PRKACB: variants seen among roughly 807,000 people sequenced by gnomAD.
The protein encoded by PRKACB is cAMP-dependent protein kinase catalytic subunit beta.
Under a neutral mutation model 51.4 loss-of-function variants are expected in PRKACB, and 16 were observed. That is an observed-to-expected ratio of 0.31 (90% CI 0.21 to 0.47). The LOEUF (loss-of-function observed/expected upper bound fraction) is 0.47, where lower values mean the gene tolerates loss of function less well. Among genes scored for constraint, PRKACB ranks in the 20% least tolerant of loss-of-function variants. The probability of loss-of-function intolerance (pLI) is 1.00; values close to 1 mark genes in which losing one functional copy is unlikely to be tolerated. For synonymous variants in PRKACB, 147 were observed against 154.4 expected (o/e 0.95, Z 0.35); for missense variants, 309 against 464.5 (o/e 0.67, Z 3.08).
At chr1:84,141,874 GA>G (rs1653453048), upstream of PRKACB, among the ~76,000 whole-genome samples, 1 of 152,008 alleles carries the variant, frequency 6.6e-6, no homozygotes, top group South Asian at 2.1e-4. Flanking sequence ...TGGAAGCGGG[GA>G]AAACAAGAAG....
chr1:84,151,010 G>A (rs1654794457), intron 1 of PRKACB, among the ~76,000 whole-genome samples: 1 of 152,054 alleles, frequency 6.6e-6, no homozygotes, highest in African/African-American at 2.4e-5. Context: ...TTCAATATAA[G>A]TATACATTGT....
At chr1:84,184,728 C>T (rs945178377) in intron 4 of PRKACB, among the ~76,000 whole-genome samples, 2 of 151,736 alleles carry the variant, frequency 1.3e-5, no homozygotes, top group Non-Finnish European at 2.9e-5. Flanking sequence ...AATATTAAAA[C>T]CATTAATCTT....
At chr1:84,222,470 T>C (rs1174907285) in intron 9 of PRKACB, among the ~76,000 whole-genome samples, 1 of 152,208 alleles carries the variant, frequency 6.6e-6, no homozygotes, top group Non-Finnish European at 1.5e-5. Flanking sequence ...AAAATTGTTT[T>C]CTGGTTGCTT....
chr1:84,172,697 A>AT (rs146987588), intron 1 of PRKACB, among the ~76,000 whole-genome samples: 19,656 of 151,622 alleles, frequency 0.13, 1,642 homozygotes, highest in Non-Finnish European at 0.19. Context: ...AAAAATTTTT[A>AT]TTTTTCACAG....
rs764488244 is a variant in PRKACB at position 84,235,133 on chromosome 1, G to T, written c.1072-47G>T. The T allele has an allele frequency of 5.8e-6, 9 of 1,564,318 alleles. No homozygotes were observed. The Admixed American group carries it at 1.6e-4, about 28-fold the overall frequency. On this transcript the variant is annotated intron_variant, in intron 9 of 9. Coordinates refer to ENST00000370685, the MANE Select transcript of PRKACB (RefSeq NM_182948.4). ...TTTCTTGGTGTTTGGAAACTCTCAG[G>T]AATTTTTTTTTCCTTTTTCTTATTT... is the stretch of plus-strand genomic sequence containing the variant.
intron 1 of PRKACB, among the ~76,000 whole-genome samples, chr1:84,085,521 CA>C (rs1647901524): frequency 6.6e-6 from 1 of 152,070 alleles, no homozygotes; most frequent in African/African-American, 2.4e-5. Context: ...AGAAAAAATA[CA>C]CAGGAAGCAG....
intron 1 of PRKACB, among the ~76,000 whole-genome samples, chr1:84,118,160 T>C (rs1304171793): frequency 6.6e-6 from 1 of 152,200 alleles, no homozygotes; most frequent in Non-Finnish European, 1.5e-5. Context: ...CTGTCACTTA[T>C]GCTGTCCCTG....
At chr1:84,100,147 A>T (rs1229718911) in intron 1 of PRKACB, among the ~76,000 whole-genome samples, 1 of 152,224 alleles carries the variant, frequency 6.6e-6, no homozygotes, top group Non-Finnish European at 1.5e-5. Context: ...CATCTTCTTC[A>T]CAAGGTGACA....
chr1:84,189,183 A>G (rs1043757437), intron 5 of PRKACB, among the ~76,000 whole-genome samples: 8 of 151,884 alleles, frequency 5.3e-5, no homozygotes, highest in Admixed American at 5.3e-4. Flanking sequence ...AAGTTGATTG[A>G]GTACTTGAAT....
At chr1:84,086,486 G>T (rs1648002765) in intron 1 of PRKACB, among the ~76,000 whole-genome samples, 1 of 152,142 alleles carries the variant, frequency 6.6e-6, no homozygotes. Context: ...CATAGAGAGA[G>T]CCCAGGCCAG....
At chr1:84,198,923 G>GTA (rs1669014393) in intron 7 of PRKACB, among the ~76,000 whole-genome samples, 2 of 144,404 alleles carry the variant, frequency 1.4e-5, no homozygotes, top group South Asian at 4.3e-4. Flanking sequence ...TGGTGTGTGT[G>GTA]TATATATGTA....
At chr1:84,210,498 G>C (rs1671968171) in intron 8 of PRKACB, among the ~76,000 whole-genome samples, 1 of 152,128 alleles carries the variant, frequency 6.6e-6, no homozygotes, top group Non-Finnish European at 1.5e-5. Context: ...AGGAAGATTA[G>C]GTTATTTTCC....
At chr1:84,101,810 A>G (rs959117389) in intron 1 of PRKACB, among the ~76,000 whole-genome samples, 4 of 152,300 alleles carry the variant, frequency 2.6e-5, no homozygotes, top group African/African-American at 9.6e-5. Context: ...ACAGGAATTT[A>G]ATCTATCTAA....
upstream of PRKACB, chr1:84,144,214 T>C: frequency 7.2e-7 from 1 of 1,397,406 alleles, no homozygotes; most frequent in Non-Finnish European, 9.3e-7. Flanking sequence ...TGTTTTATAT[T>C]AACAGGAAAC....
intron 1 of PRKACB, among the ~76,000 whole-genome samples, chr1:84,125,182 C>T (rs1296804462): frequency 6.6e-6 from 1 of 152,110 alleles, no homozygotes; most frequent in African/African-American, 2.4e-5. Context: ...AATCCAGTAC[C>T]TTATGGTTAT....
At position 84,236,443 on chromosome 1, in the gene PRKACB, G is replaced by A. The variant is rs1286638667; in HGVS notation, c.*1138G>A. On this transcript the variant is annotated 3_prime_UTR_variant, in exon 10 of 10. Transcript: ENST00000370685. ...CTATATTTGTGAGCCTAGGGTAGGG[G>A]CACTGCTGCAACTTCTGCTTTCATC... 1.3e-5 allele frequency: 2 copies of A among 152,588 alleles called. No individual in the cohort carries two copies. Among genetic ancestry groups the A allele is most frequent in the African/African-American group, 2.4e-5 (1 of 41,446 alleles). The allele number at this position is 152,588 out of a possible 1,614,324, so 9.5% of individuals were successfully genotyped here.
intron 9 of PRKACB, among the ~76,000 whole-genome samples, chr1:84,221,008 T>C (rs1351464440): frequency 6.6e-6 from 1 of 152,090 alleles, no homozygotes; most frequent in Non-Finnish European, 1.5e-5. Context: ...TAGTTTGAGA[T>C]GAATTGATGC....
At position 84,146,323 on chromosome 1, in the gene PRKACB, A is replaced by G. The variant is rs115154355; in HGVS notation, c.187+1775A>G. On this transcript the variant is annotated intron_variant, in intron 1 of 9. Coordinates refer to ENST00000370685, the MANE Select transcript of PRKACB (RefSeq NM_182948.4). ...TCTCCTTTTTATATCCCTGAATACCATAATAGAGATAATAATTTTATGTCT... is the reference window on the plus strand; with the variant it reads ...TCTCCTTTTTATATCCCTGAATACCGTAATAGAGATAATAATTTTATGTCT... Among the ~76,000 whole-genome samples, 898 of 152,066 alleles carry G rather than the reference A, an allele frequency of 5.9e-3. 9 individuals carry two copies. Among genetic ancestry groups the G allele is most frequent in the African/African-American group, 0.021 (864 of 41,536 alleles).
intron 2 of PRKACB, among the ~76,000 whole-genome samples, chr1:84,179,633 C>T (rs1000042172): frequency 6.6e-6 from 1 of 151,814 alleles, no homozygotes; most frequent in Non-Finnish European, 1.5e-5. Flanking sequence ...AACAACATCC[C>T]TGATACACAG....
Sources: allele counts gnomAD v4.1 joint callset (sites outside exome capture counted in the v4.1 genomes callset), GRCh38; gene constraint gnomAD v4.1.1; transcripts MANE v1.5; gene names NCBI Gene and HGNC (gene_info 2026-07-23, HGNC 2026-07-21).